ADAM18: variants seen among roughly 807,000 people sequenced by gnomAD.
ADAM18 encodes ADAM metallopeptidase domain 18.
In ADAM18, 117 loss-of-function variants were observed where a neutral mutation model predicts 94.4. That is an observed-to-expected ratio of 1.24 (90% CI 1.07 to 1.45). The LOEUF is 1.45. Among genes scored for constraint, ADAM18 ranks in the 40% most tolerant of loss-of-function variants. The pLI is 0.00. For synonymous variants in ADAM18, 327 were observed against 291.6 expected (o/e 1.12, Z -1.24); for missense variants, 936 against 880.0 (o/e 1.06, Z -0.81).
At chr8:39,650,502 CTG>C (rs1286949960) in intron 12 of ADAM18, among the ~76,000 whole-genome samples, 2 of 152,098 alleles carry the variant, frequency 1.3e-5, no homozygotes, top group Non-Finnish European at 2.9e-5. Flanking sequence ...TAACAACAAA[CTG>C]TATGAAAAAG....
rs747746251 is a variant in ADAM18 at position 39,648,387 on chromosome 8, G to A, written c.1090G>A (p.Asp364Asn). ...RKIFSNCSMH[D>N]YRYFVSKFET... Reference sequence around the variant, plus strand: ...GATTTTTAGCAACTGCAGCATGCACGACTATAGATATTTTGTTTCAAAATT... The same window carrying A: ...GATTTTTAGCAACTGCAGCATGCACAACTATAGATATTTTGTTTCAAAATT... Residue 364 changes from aspartate (D) to asparagine (N), a missense_variant, in exon 12 of 20, where the codon GAC becomes AAC. Coordinates refer to ENST00000265707, the MANE Select transcript of ADAM18 (RefSeq NM_014237.3). 1.1e-5 allele frequency: 17 copies of A among 1,611,768 alleles called. No individual in the cohort carries two copies. The highest frequency in any genetic ancestry group is 1.4e-5 in the Non-Finnish European group (17 of 1,179,098).
intron 14 of ADAM18, among the ~76,000 whole-genome samples, chr8:39,671,599 TG>T (rs960728814): frequency 6.6e-6 from 1 of 152,134 alleles, no homozygotes; most frequent in African/African-American, 2.4e-5. Context: ...GACCTACCCT[TG>T]GGATGGAGAC....
At chr8:39,613,585 A>G (rs1819346160) in intron 6 of ADAM18, among the ~76,000 whole-genome samples, 1 of 152,168 alleles carries the variant, frequency 6.6e-6, no homozygotes. Context: ...CCTACCTACA[A>G]ATGACTGTAC....
intron 18 of ADAM18, among the ~76,000 whole-genome samples, chr8:39,722,833 T>TA (rs1491092736): frequency 6.6e-6 from 1 of 151,562 alleles, no homozygotes; most frequent in Admixed American, 6.6e-5. Context: ...GTTGGGGAGT[T>TA]ATGTTTCCTA....
intron 15 of ADAM18, among the ~76,000 whole-genome samples, chr8:39,679,142 T>C (rs1821372315): frequency 1.3e-5 from 2 of 152,334 alleles, no homozygotes. Flanking sequence ...TTTCAATCTT[T>C]ACTTCTTGGT....
chr8:39,602,681 G>A (rs1818941829), intron 2 of ADAM18, among the ~76,000 whole-genome samples: 1 of 152,002 alleles, frequency 6.6e-6, no homozygotes, highest in Non-Finnish European at 1.5e-5. Context: ...AGTTTCAAAA[G>A]CTTTTTATGT....
At chr8:39,680,438 A>G (rs1356778870) in intron 16 of ADAM18, among the ~76,000 whole-genome samples, 1 of 152,216 alleles carries the variant, frequency 6.6e-6, no homozygotes, top group African/African-American at 2.4e-5. Flanking sequence ...CCTTATGTTA[A>G]AAAAAGTACA....
intron 17 of ADAM18, among the ~76,000 whole-genome samples, chr8:39,694,937 C>G (rs577124562): frequency 6.6e-6 from 1 of 151,328 alleles, no homozygotes; most frequent in Non-Finnish European, 1.5e-5. Flanking sequence ...CTAAGAATGC[C>G]CTGTGATCCA....
intron 19 of ADAM18, 78 bp downstream of exon 19, chr8:39,723,985 T>A: frequency 4.6e-6 from 4 of 870,446 alleles, no homozygotes; most frequent in African/African-American, 1.8e-5. Flanking sequence ...TATATAACAT[T>A]TGTTATATTA....
chr8:39,607,358 T>C lies in ADAM18; in HGVS notation c.188+996T>C, dbSNP rs574061919. On this transcript the variant is annotated intron_variant, in intron 3 of 19. Coordinates refer to ENST00000265707, the MANE Select transcript of ADAM18 (RefSeq NM_014237.3). Reference sequence around the variant, plus strand: ...AAAATAAAGTAGCCTCTTCTCTGTCTGCATCTTCAAACATATGTATTTATA... The same window carrying C: ...AAAATAAAGTAGCCTCTTCTCTGTCCGCATCTTCAAACATATGTATTTATA... 3.9e-5 allele frequency among the ~76,000 whole-genome samples: 6 copies of C among 152,346 alleles called. No homozygotes were observed. In the South Asian group the frequency reaches 1.2e-3, roughly 32 times the overall value.
At chr8:39,628,274 T>C (rs978554140) in intron 6 of ADAM18, among the ~76,000 whole-genome samples, 3 of 151,314 alleles carry the variant, frequency 2.0e-5, no homozygotes, top group African/African-American at 7.3e-5. Flanking sequence ...TGAAAAAAAA[T>C]GAGAGTCCCC....
intron 17 of ADAM18, among the ~76,000 whole-genome samples, chr8:39,704,686 A>G (rs903504172): frequency 6.6e-6 from 1 of 151,976 alleles, no homozygotes; most frequent in Non-Finnish European, 1.5e-5. Context: ...AATAAAACCT[A>G]TTTCTCCTTG....
At chr8:39,721,126 C>A (rs562811520) in intron 18 of ADAM18, among the ~76,000 whole-genome samples, 1 of 151,378 alleles carries the variant, frequency 6.6e-6, no homozygotes, top group Non-Finnish European at 1.5e-5. Flanking sequence ...AATGTGCATG[C>A]AGTATAATTC....
chr8:39,676,043 A>G (rs1275712735), intron 14 of ADAM18, among the ~76,000 whole-genome samples: 1 of 152,180 alleles, frequency 6.6e-6, no homozygotes. Context: ...GCAGCCGCCT[A>G]TATGAAGTGT....
chr8:39,653,899 T>G (rs1820610761), intron 12 of ADAM18, among the ~76,000 whole-genome samples: 2 of 152,136 alleles, frequency 1.3e-5, no homozygotes, highest in South Asian at 4.1e-4. Context: ...TTACTTATTG[T>G]GCTATTGAAC....
intron 17 of ADAM18, among the ~76,000 whole-genome samples, chr8:39,697,822 A>G (rs1821967522): frequency 1.3e-5 from 2 of 151,916 alleles, no homozygotes; most frequent in East Asian, 3.9e-4. Flanking sequence ...TCTTCTGAGA[A>G]GTCAGATGCA....
chr8:39,726,167 G>T (rs1367218039), intron 19 of ADAM18, among the ~76,000 whole-genome samples: 2 of 151,428 alleles, frequency 1.3e-5, no homozygotes, highest in African/African-American at 4.9e-5. Context: ...TTATTCAATT[G>T]TATGTATTCT....
At chr8:39,699,145 G>C (rs1461238628) in intron 17 of ADAM18, among the ~76,000 whole-genome samples, 1 of 152,020 alleles carries the variant, frequency 6.6e-6, no homozygotes, top group Non-Finnish European at 1.5e-5. Context: ...ATTGGTAAGG[G>C]CCTCTTTGAA....
intron 2 of ADAM18, among the ~76,000 whole-genome samples, chr8:39,596,142 CTGACT>C (rs1426303877): frequency 1.3e-5 from 2 of 152,128 alleles, no homozygotes; most frequent in Admixed American, 1.3e-4. Flanking sequence ...TGCGGCCTCG[CTGACT>C]ATCAGATCTC....
Sources: allele counts gnomAD v4.1 joint callset (sites outside exome capture counted in the v4.1 genomes callset), GRCh38; gene constraint gnomAD v4.1.1; transcripts MANE v1.5; gene names NCBI Gene and HGNC (gene_info 2026-07-23, HGNC 2026-07-21).